The following PTPN2 variants were observed in gnomAD, a reference collection of about 807,000 sequenced individuals.
The protein encoded by PTPN2 is protein tyrosine phosphatase non-receptor type 2, also known as tyrosine-protein phosphatase non-receptor type 2.
Under a neutral mutation model 57.3 loss-of-function variants are expected in PTPN2, and 19 were observed. The observed-to-expected ratio is 0.33, with a 90% CI of 0.23 to 0.49. The LOEUF (loss-of-function observed/expected upper bound fraction) is 0.49, where lower values mean the gene tolerates loss of function less well. PTPN2 is among the 20% of genes least tolerant of loss of function. PTPN2 has a pLI of 0.99. For missense variants in PTPN2, 358 were observed against 501.1 expected (o/e 0.71, Z 2.73); for synonymous variants, 153 against 164.9 (o/e 0.93, Z 0.55).
chr18:12,833,630 G>A (rs2042746041), intron 3 of PTPN2, among the ~76,000 whole-genome samples: 1 of 152,154 alleles, frequency 6.6e-6, no homozygotes, highest in East Asian at 1.9e-4. Context: ...TTTGGGAAAA[G>A]ACAAATAGAT....
intron 2 of PTPN2, among the ~76,000 whole-genome samples, chr18:12,848,639 C>T (rs1276935669): frequency 2.0e-5 from 3 of 152,318 alleles, no homozygotes; most frequent in Admixed American, 6.5e-5. Context: ...TCACAGTCAA[C>T]AAGAGTAAAG....
At chr18:12,785,703 T>C (rs2040829794) in exon 10 of PTPN2, 9 of 875,786 alleles carry the variant, frequency 1.0e-5, no homozygotes, top group Non-Finnish European at 1.7e-5. Context: ...AACAAACAAC[T>C]GTGAGGCAAT....
At chr18:12,840,292 C>T (rs1285111903) in intron 2 of PTPN2, among the ~76,000 whole-genome samples, 1 of 152,158 alleles carries the variant, frequency 6.6e-6, no homozygotes, top group Admixed American at 6.5e-5. Flanking sequence ...GTAAAATAGT[C>T]GAACAACAAA....
At chr18:12,814,992 G>A (rs2042017378) in intron 6 of PTPN2, among the ~76,000 whole-genome samples, 1 of 152,008 alleles carries the variant, frequency 6.6e-6, no homozygotes, top group Admixed American at 6.6e-5. Context: ...GCTGAGGCTG[G>A]AGAATCGCCT....
intron 8 of PTPN2, among the ~76,000 whole-genome samples, chr18:12,795,658 A>C (rs2041150771): frequency 6.6e-6 from 1 of 152,084 alleles, no homozygotes. Context: ...GTTCTATATA[A>C]ATAATAATGC....
intron 1 of PTPN2, among the ~76,000 whole-genome samples, chr18:12,874,089 C>T (rs910950209): frequency 8.6e-5 from 13 of 151,624 alleles, no homozygotes; most frequent in African/African-American, 3.1e-4. Context: ...CCCCTCCGCC[C>T]GGCAGCCACC....
At chr18:12,825,783 C>T (rs2042429124) in intron 5 of PTPN2, 27 bp downstream of exon 5, 1 of 1,584,956 alleles carries the variant, frequency 6.3e-7, no homozygotes, top group South Asian at 1.2e-5. Context: ...ATATAAAGTC[C>T]ACAATTTCGG....
chr18:12,867,357 G>A (rs1002765045), intron 1 of PTPN2, among the ~76,000 whole-genome samples: 1 of 151,632 alleles, frequency 6.6e-6, no homozygotes, highest in Non-Finnish European at 1.5e-5. Context: ...AAATAAAAAT[G>A]GAACTCCTGT....
chr18:12,845,861 C>A (rs185133039), intron 2 of PTPN2, among the ~76,000 whole-genome samples: 7 of 152,134 alleles, frequency 4.6e-5, no homozygotes, highest in Admixed American at 1.3e-4. Context: ...ATGACATAAT[C>A]CTACTTACTC....
chr18:12,877,431 C>T (rs2044526505), intron 1 of PTPN2, among the ~76,000 whole-genome samples: 1 of 152,188 alleles, frequency 6.6e-6, no homozygotes, highest in South Asian at 2.1e-4. Flanking sequence ...GTATATCCAA[C>T]ACATGAAGAC....
chr18:12,820,991 G>A (rs2042252078), intron 5 of PTPN2, among the ~76,000 whole-genome samples: 1 of 152,156 alleles, frequency 6.6e-6, no homozygotes, highest in Non-Finnish European at 1.5e-5. Context: ...AGCAATTTAA[G>A]CATATGCCCT....
chr18:12,870,441 G>GTATATATA (rs577107678), intron 1 of PTPN2, among the ~76,000 whole-genome samples: 1 of 24,576 alleles, frequency 4.1e-5, no homozygotes, highest in Admixed American at 6.6e-4. Context: ...ATATATATGT[G>GTATATATA]TATATATATA....
At chr18:12,844,335 C>A (rs1014487883) in intron 2 of PTPN2, among the ~76,000 whole-genome samples, 2 of 152,210 alleles carry the variant, frequency 1.3e-5, no homozygotes, top group African/African-American at 4.8e-5. Flanking sequence ...GCTAAGTATA[C>A]GTTCAGCTTT....
At chr18:12,863,169 T>C (rs976641188) in intron 1 of PTPN2, 1 of 152,204 alleles carries the variant, frequency 6.6e-6, no homozygotes, top group Non-Finnish European at 1.5e-5. Flanking sequence ...AGATTCCGAA[T>C]GTTTCCTCTG....
chr18:12,882,848 A>C (rs2044706336), intron 1 of PTPN2, among the ~76,000 whole-genome samples: 1 of 152,242 alleles, frequency 6.6e-6, no homozygotes, highest in African/African-American at 2.4e-5. Context: ...ATTTACAGGA[A>C]AGCCCGTCTT....
chr18:12,824,182 G>A (rs1738558564), intron 5 of PTPN2, among the ~76,000 whole-genome samples: 1 of 152,106 alleles, frequency 6.6e-6, no homozygotes, highest in Non-Finnish European at 1.5e-5. Context: ...GGAAAGAGTT[G>A]GGACAAAATA....
chr18:12,842,790 T>C (rs887837879), intron 2 of PTPN2, among the ~76,000 whole-genome samples: 8 of 152,230 alleles, frequency 5.3e-5, no homozygotes, highest in Admixed American at 1.3e-4. Flanking sequence ...TCAGCGGGCC[T>C]ACCTAGTAGA....
chr18:12,870,073 G>A (rs2044134105), intron 1 of PTPN2, among the ~76,000 whole-genome samples: 1 of 150,860 alleles, frequency 6.6e-6, no homozygotes, highest in Non-Finnish European at 1.5e-5. Context: ...CTCTCTTTGA[G>A]GAAGAGAGTT....
intron 3 of PTPN2, among the ~76,000 whole-genome samples, chr18:12,833,275 G>T (rs538716800): frequency 1.3e-5 from 2 of 152,318 alleles, no homozygotes; most frequent in East Asian, 3.9e-4. Flanking sequence ...AGGACAATCA[G>T]AAGAGCTGGG....
Sources: allele counts gnomAD v4.1 joint callset (sites outside exome capture counted in the v4.1 genomes callset), GRCh38; gene constraint gnomAD v4.1.1; transcripts MANE v1.5; gene names NCBI Gene and HGNC (gene_info 2026-07-23, HGNC 2026-07-21).